Variants in GALNT10 observed in about 807,000 individuals in gnomAD.
GALNT10 encodes the protein GalNAc transferase 10.
A neutral mutation model predicts 75.0 loss-of-function variants in GALNT10; 41 were observed. The observed-to-expected ratio is 0.55, with a 90% confidence interval of 0.43 to 0.71. The LOEUF (loss-of-function observed/expected upper bound fraction) is 0.71, where lower values mean the gene tolerates loss of function less well. Ranked by LOEUF, GALNT10 falls within the 30% of genes least tolerant of loss-of-function variation. GALNT10 has a pLI of 0.00. For synonymous variants in GALNT10, 302 were observed against 313.0 expected (o/e 0.96, Z 0.37); for missense variants, 727 against 818.5 (o/e 0.89, Z 1.36).
At chr5:154,202,970 C>T (rs77134751) in intron 1 of GALNT10, among the ~76,000 whole-genome samples, 3,650 of 152,332 alleles carry the variant, frequency 0.024, 68 homozygotes, top group South Asian at 0.097. Context: ...CTCCTGCCAT[C>T]CAAGCCCTGC....
intron 1 of GALNT10, chr5:154,218,036 C>T (rs1208614365): frequency 1.8e-5 from 18 of 985,092 alleles, no homozygotes; most frequent in Non-Finnish European, 2.0e-5. Flanking sequence ...CAGCTCGCTT[C>T]CCCACCCCAG....
intron 8 of GALNT10, among the ~76,000 whole-genome samples, chr5:154,408,852 G>C (rs1466993300): frequency 6.6e-6 from 1 of 152,046 alleles, no homozygotes; most frequent in Non-Finnish European, 1.5e-5. Context: ...GAATATACAG[G>C]CTTCTGTAAC....
At chr5:154,264,313 C>CAA (rs372645621) in intron 1 of GALNT10, among the ~76,000 whole-genome samples, 1,547 of 105,032 alleles carry the variant, frequency 0.015, 47 homozygotes, top group East Asian at 0.098. Context: ...ACTCTGTCTC[C>CAA]AAAAAAAAAA....
At chr5:154,258,207 A>G (rs138190974) in intron 1 of GALNT10, among the ~76,000 whole-genome samples, 1 of 152,242 alleles carries the variant, frequency 6.6e-6, no homozygotes, top group African/African-American at 2.4e-5. Flanking sequence ...ACCTTTCTCT[A>G]TGTCCATGAG....
At chr5:154,349,685 A>C (rs1429857173) in intron 4 of GALNT10, 1 of 152,152 alleles carries the variant, frequency 6.6e-6, no homozygotes, top group Admixed American at 6.6e-5. Context: ...ATGAATAGCC[A>C]CTGCACTCCA....
intron 1 of GALNT10, among the ~76,000 whole-genome samples, chr5:154,227,757 T>C (rs896616079): frequency 5.3e-5 from 8 of 152,062 alleles, no homozygotes; most frequent in South Asian, 2.1e-4. Flanking sequence ...TTTTTTTTTT[T>C]CCCTTATGTT....
At chr5:154,415,671 T>A in intron 10 of GALNT10, 112 bp from the exon 11 acceptor site, 1 of 1,027,002 alleles carries the variant, frequency 9.7e-7, no homozygotes, top group Non-Finnish European at 1.5e-6. Context: ...AACAGGTTAA[T>A]ATATTATTAT....
At chr5:154,218,917 T>C (rs976931688) in intron 1 of GALNT10, among the ~76,000 whole-genome samples, 1 of 152,170 alleles carries the variant, frequency 6.6e-6, no homozygotes, top group African/African-American at 2.4e-5. Flanking sequence ...CCTCTTCTTC[T>C]GTTTTCCTGT....
At chr5:154,274,738 T>C (rs968028558) in intron 1 of GALNT10, among the ~76,000 whole-genome samples, 2 of 152,206 alleles carry the variant, frequency 1.3e-5, no homozygotes, top group Non-Finnish European at 2.9e-5. Context: ...AACATGTTTG[T>C]TTATCTAATG....
chr5:154,211,971 C>T (rs1165864109), intron 1 of GALNT10, among the ~76,000 whole-genome samples: 1 of 152,136 alleles, frequency 6.6e-6, no homozygotes, highest in Non-Finnish European at 1.5e-5. Context: ...TCATGAAGTT[C>T]AGCCTATGTG....
chr5:154,356,352 A>G (rs1489422234), intron 4 of GALNT10: 1 of 387,458 alleles, frequency 2.6e-6, no homozygotes, highest in Non-Finnish European at 5.1e-6. Flanking sequence ...GAGACAGTGA[A>G]GCAGGGTACT....
chr5:154,198,957 A>G (rs1412641546), intron 1 of GALNT10, among the ~76,000 whole-genome samples: 1 of 152,206 alleles, frequency 6.6e-6, no homozygotes, highest in African/African-American at 2.4e-5. Context: ...TAAATCTGTC[A>G]CGCAATGCTG....
intron 2 of GALNT10, 57 bp downstream of exon 2, chr5:154,294,975 C>A (rs1754251452): frequency 1.0e-5 from 8 of 778,736 alleles, no homozygotes; most frequent in Non-Finnish European, 1.6e-5. Flanking sequence ...TGCACATATG[C>A]TTGTGTGTGT....
chr5:154,201,300 G>T (rs1775024802), intron 1 of GALNT10, among the ~76,000 whole-genome samples: 1 of 152,044 alleles, frequency 6.6e-6, no homozygotes, highest in African/African-American at 2.4e-5. Flanking sequence ...CCACTTCACA[G>T]ATGCAAAAAC....
intron 4 of GALNT10, chr5:154,356,294 A>G: frequency 2.3e-6 from 1 of 439,096 alleles, no homozygotes; most frequent in Non-Finnish European, 4.5e-6. Context: ...GTGAGAGGAA[A>G]TACATAGGGA....
At chr5:154,221,445 C>G (rs1348948888) in intron 1 of GALNT10, among the ~76,000 whole-genome samples, 1 of 152,190 alleles carries the variant, frequency 6.6e-6, no homozygotes, top group Non-Finnish European at 1.5e-5. Flanking sequence ...CTTACTGAGT[C>G]TGCACATCCT....
intron 1 of GALNT10, among the ~76,000 whole-genome samples, chr5:154,275,504 A>G (rs1753936186): frequency 6.6e-6 from 1 of 152,198 alleles, no homozygotes; most frequent in East Asian, 1.9e-4. Context: ...GTGCTTAACA[A>G]ATTGCCCCCA....
intron 4 of GALNT10, chr5:154,347,209 A>G (rs13186787): frequency 0.019 from 9,010 of 479,186 alleles, 118 homozygotes; most frequent in South Asian, 0.031. Flanking sequence ...CCAACCTCAC[A>G]GGACTCAGTG....
intron 6 of GALNT10, among the ~76,000 whole-genome samples, chr5:154,380,977 C>T (rs976280998): frequency 2.6e-5 from 4 of 152,170 alleles, no homozygotes; most frequent in African/African-American, 9.7e-5. Flanking sequence ...GTACTAAGCA[C>T]ATTACCCTCT....
Sources: allele counts gnomAD v4.1 joint callset (sites outside exome capture counted in the v4.1 genomes callset), GRCh38; gene constraint gnomAD v4.1.1; transcripts MANE v1.5; gene names NCBI Gene and HGNC (gene_info 2026-07-23, HGNC 2026-07-21).